Variants in SAMD5 observed in about 807,000 individuals in gnomAD.
The protein encoded by SAMD5 is sterile alpha motif domain containing 5.
SAMD5 carries 13 observed loss-of-function variants against 11.3 expected under a neutral mutation model. The observed-to-expected ratio is 1.15, with a 90% CI of 0.75 to 1.83. SAMD5 has a LOEUF of 1.83. SAMD5 is among the 40% of genes most tolerant of loss of function. The probability of loss-of-function intolerance (pLI) is 0.00; values close to 1 mark genes in which losing one functional copy is unlikely to be tolerated. For synonymous variants in SAMD5, 129 were observed against 111.3 expected (o/e 1.16, Z -1.00); for missense variants, 255 against 239.1 (o/e 1.07, Z -0.44).
At chr6:147,762,400 T>C in the SAMD5 span, among the ~76,000 whole-genome samples, 1 of 152,016 alleles carries the variant, frequency 6.6e-6, no homozygotes, top group Non-Finnish European at 1.5e-5. Flanking sequence ...GGTGTCACCA[T>C]GTTGGCCAGG....
At chr6:147,643,656 T>C (rs1790346697) in intron 1 of SAMD5, among the ~76,000 whole-genome samples, 1 of 151,922 alleles carries the variant, frequency 6.6e-6, no homozygotes, top group South Asian at 2.1e-4. Context: ...GTCTGAAGTA[T>C]TTTGTTACTC....
intron 1 of SAMD5, among the ~76,000 whole-genome samples, chr6:147,548,745 G>A (rs1170051535): frequency 6.6e-6 from 1 of 152,116 alleles, no homozygotes; most frequent in Non-Finnish European, 1.5e-5. Flanking sequence ...AAAAGATGGT[G>A]CTGTGAAGGA....
At chr6:147,903,127 A>G in the SAMD5 span, among the ~76,000 whole-genome samples, 1 of 152,222 alleles carries the variant, frequency 6.6e-6, no homozygotes, top group African/African-American at 2.4e-5. Context: ...CCTCACACAT[A>G]CAATTATAGT....
chr6:147,924,753 T>C, the SAMD5 span, among the ~76,000 whole-genome samples: 6 of 150,316 alleles, frequency 4.0e-5, no homozygotes, highest in Non-Finnish European at 7.4e-5. Context: ...ATAGATCTTG[T>C]GAGGATAGGT....
chr6:147,948,287 A>AC, the SAMD5 span, among the ~76,000 whole-genome samples: 5 of 151,880 alleles, frequency 3.3e-5, no homozygotes, highest in African/African-American at 4.8e-5. Context: ...AGAAAAAAAA[A>AC]AAAACACGAA....
At chr6:147,826,377 T>C in the SAMD5 span, among the ~76,000 whole-genome samples, 1 of 152,184 alleles carries the variant, frequency 6.6e-6, no homozygotes, top group African/African-American at 2.4e-5. Context: ...TCCAGAATGA[T>C]CATTTGTGAT....
chr6:147,647,308 A>G (rs1790419398), intron 1 of SAMD5, among the ~76,000 whole-genome samples: 1 of 152,228 alleles, frequency 6.6e-6, no homozygotes, highest in Admixed American at 6.5e-5. Context: ...AGAACAGGCC[A>G]GAAATGGTGA....
At chr6:147,715,547 G>C (rs993555531) in intron 1 of SAMD5, among the ~76,000 whole-genome samples, 4 of 152,210 alleles carry the variant, frequency 2.6e-5, no homozygotes, top group Non-Finnish European at 5.9e-5. Flanking sequence ...TCCCCAAAGG[G>C]CTGCAGCTCT....
At chr6:147,614,767 A>C (rs1042801672) in intron 1 of SAMD5, among the ~76,000 whole-genome samples, 1 of 151,966 alleles carries the variant, frequency 6.6e-6, no homozygotes, top group Non-Finnish European at 1.5e-5. Flanking sequence ...ACATGAGTAC[A>C]TACATACTTT....
At chr6:147,516,920 A>G (rs760713308) in intron 1 of SAMD5, among the ~76,000 whole-genome samples, 8 of 152,236 alleles carry the variant, frequency 5.3e-5, no homozygotes, top group African/African-American at 1.2e-4. Flanking sequence ...TCAAAATTCA[A>G]AGAGGCTCAC....
intron 1 of SAMD5, among the ~76,000 whole-genome samples, chr6:147,715,433 G>C (rs574675809): frequency 1.3e-5 from 2 of 152,306 alleles, no homozygotes; most frequent in Non-Finnish European, 2.9e-5. Context: ...AGCTGGCACT[G>C]GGGAATGTGG....
the SAMD5 span, chr6:147,953,413 G>C: frequency 6.6e-6 from 1 of 152,094 alleles, no homozygotes; most frequent in Non-Finnish European, 1.5e-5. Flanking sequence ...AGAATAAAAG[G>C]ATCATGAAAT....
At chr6:147,780,397 A>G in the SAMD5 span, among the ~76,000 whole-genome samples, 1 of 152,060 alleles carries the variant, frequency 6.6e-6, no homozygotes, top group African/African-American at 2.4e-5. Flanking sequence ...TAGTAGGGAC[A>G]GGATTTCACC....
At chr6:147,861,351 A>G in the SAMD5 span, among the ~76,000 whole-genome samples, 2 of 151,378 alleles carry the variant, frequency 1.3e-5, no homozygotes, top group Non-Finnish European at 3.0e-5. Flanking sequence ...TCTTTGCTAG[A>G]GACGGGGTTT....
chr6:147,509,213 G>C lies in SAMD5; in HGVS notation c.285G>C (p.Arg95=). Reference sequence around the variant, plus strand: ...CCGACGCCGTCCCCACCGGCCGCCGGGGGGAGCCGTGCGGCGGCCCGGCCC... The same window carrying C: ...CCGACGCCGTCCCCACCGGCCGCCGCGGGGAGCCGTGCGGCGGCCCGGCCC... ...PPADAVPTGR[R]GEPCGGPAQG... is the part of the protein sequence containing the mutation. Residue 95 remains arginine, a synonymous_variant, in exon 1 of 2, where the codon CGG becomes CGC. Transcript: ENST00000367474. 2 of 1,338,974 alleles carry C rather than the reference G, an allele frequency of 1.5e-6. No individual in the cohort carries two copies. The highest frequency in any genetic ancestry group is 1.9e-6 in the Non-Finnish European group (2 of 1,043,268). The allele number at this position is 1,338,974 out of a possible 1,614,324, so 82.9% of individuals were successfully genotyped here.
chr6:147,580,177 C>A (rs575950439), intron 1 of SAMD5, among the ~76,000 whole-genome samples: 3 of 152,272 alleles, frequency 2.0e-5, no homozygotes, highest in African/African-American at 7.2e-5. Context: ...AGTGTCTGGA[C>A]CCCAGCACTG....
chr6:147,917,401 GTTGT>G, the SAMD5 span, among the ~76,000 whole-genome samples: 4 of 151,116 alleles, frequency 2.6e-5, no homozygotes, highest in South Asian at 2.1e-4. Context: ...TTTTGATGGG[GTTGT>G]TTGTTTTTTT....
At chr6:147,528,052 G>T (rs1788371874) in intron 1 of SAMD5, among the ~76,000 whole-genome samples, 1 of 151,960 alleles carries the variant, frequency 6.6e-6, no homozygotes, top group African/African-American at 2.4e-5. Flanking sequence ...GTACAAGGGG[G>T]GATGCTGCTA....
intron 1 of SAMD5, among the ~76,000 whole-genome samples, chr6:147,549,000 C>T (rs1261744305): frequency 6.6e-6 from 1 of 152,024 alleles, no homozygotes; most frequent in African/African-American, 2.4e-5. Context: ...GTGCATGGTT[C>T]ACAAATTAAA....
Sources: allele counts gnomAD v4.1 joint callset (sites outside exome capture counted in the v4.1 genomes callset), GRCh38; gene constraint gnomAD v4.1.1; transcripts MANE v1.5; gene names NCBI Gene and HGNC (gene_info 2026-07-23, HGNC 2026-07-21).